The following WDFY1 variants were observed in gnomAD, a reference collection of about 807,000 sequenced individuals.
The protein encoded by WDFY1 is WD repeat and FYVE domain-containing protein 1.
Under a neutral mutation model 56.4 loss-of-function variants are expected in WDFY1, and 32 were observed. The observed-to-expected ratio is 0.57, with a 90% CI of 0.43 to 0.76. The LOEUF is 0.76. Among genes scored for constraint, WDFY1 ranks in the 30% least tolerant of loss-of-function variants. WDFY1 has a pLI of 0.00. For synonymous variants in WDFY1, 192 were observed against 197.3 expected, an observed-to-expected ratio of 0.97 and a Z score of 0.23; for missense variants, 480 against 545.7, an observed-to-expected ratio of 0.88 and a Z score of 1.20.
At position 223,896,172 on chromosome 2, in the gene WDFY1, A is replaced by AAAAAAAC. The variant is rs1559165583; in HGVS notation, c.599-543_599-542insGTTTTTT. 4.7e-5 allele frequency among the ~76,000 whole-genome samples: 7 copies of AAAAAAAC among 148,204 alleles called. 1 individual carries two copies. Among genetic ancestry groups the AAAAAAAC allele is most frequent in the African/African-American group, 1.8e-4 (7 of 39,858 alleles). ...CTCTGTCTCAAAAAAAAAAAAAAAA[A>AAAAAAAC]AAAAAAAAAAACTGCTTGTAATACA... On this transcript the variant is annotated intron_variant, in intron 6 of 11. Transcript: ENST00000233055.
At chr2:223,916,210 T>C (rs1201524859) in intron 2 of WDFY1, among the ~76,000 whole-genome samples, 1 of 152,182 alleles carries the variant, frequency 6.6e-6, no homozygotes, top group African/African-American at 2.4e-5. Context: ...TAAAAAATCC[T>C]AATAAACTAC....
intron 7 of WDFY1, among the ~76,000 whole-genome samples, chr2:223,894,809 T>C (rs1487904588): frequency 6.6e-6 from 1 of 152,194 alleles, no homozygotes; most frequent in Non-Finnish European, 1.5e-5. Flanking sequence ...CCCTCCTGCA[T>C]GCCTGTCATA....
chr2:223,879,767 C>T (rs1236985495), intron 11 of WDFY1, among the ~76,000 whole-genome samples: 1 of 152,030 alleles, frequency 6.6e-6, no homozygotes, highest in African/African-American at 2.4e-5. Flanking sequence ...ATACTGAGGA[C>T]GCATTCTGCC....
chr2:223,886,967 C>A (rs544617945), intron 8 of WDFY1, among the ~76,000 whole-genome samples: 4 of 152,022 alleles, frequency 2.6e-5, no homozygotes, highest in Admixed American at 1.3e-4. Flanking sequence ...ATTAGAAAGG[C>A]CTTTTTTTGA....
At chr2:223,886,692 G>A (rs907464049) in intron 8 of WDFY1, among the ~76,000 whole-genome samples, 5 of 122,324 alleles carry the variant, frequency 4.1e-5, no homozygotes, top group Admixed American at 2.2e-4. Context: ...ATTGCACCAC[G>A]GCACTCCAGC....
At chr2:223,898,886 C>T (rs1693447719) in intron 6 of WDFY1, 72 bp downstream of exon 6, 1 of 1,125,602 alleles carries the variant, frequency 8.9e-7, no homozygotes, top group African/African-American at 1.5e-5. Flanking sequence ...ATTCATGAAT[C>T]CACATAGTAG....
chr2:223,894,966 A>G (rs978900467), intron 7 of WDFY1, among the ~76,000 whole-genome samples: 2 of 152,220 alleles, frequency 1.3e-5, no homozygotes, highest in Non-Finnish European at 2.9e-5. Flanking sequence ...CAAGGTGAAG[A>G]TGTATTTCTT....
At chr2:223,918,051 A>G (rs1693819747) in intron 1 of WDFY1, 41 bp from the exon 2 acceptor site, 15 of 1,596,766 alleles carry the variant, frequency 9.4e-6, no homozygotes, top group Non-Finnish European at 1.3e-5. Flanking sequence ...AGGTTTTAGT[A>G]ATTTTATCTT....
chr2:223,918,730 TTG>T (rs569316069), intron 1 of WDFY1, among the ~76,000 whole-genome samples: 129 of 152,010 alleles, frequency 8.5e-4, no homozygotes, highest in African/African-American at 2.9e-3. Flanking sequence ...TTATGTGCAC[TTG>T]GTGGTTGACC....
chr2:223,884,257 A>G (rs1214697456), intron 9 of WDFY1, among the ~76,000 whole-genome samples: 1 of 152,242 alleles, frequency 6.6e-6, no homozygotes, highest in Admixed American at 6.5e-5. Flanking sequence ...TGAGGACTAA[A>G]TTATTACTTT....
Position 223,912,314 on chromosome 2 carries a change from G to C in WDFY1, c.218C>G (p.Ala73Gly). Residue 73 changes from alanine (A) to glycine (G), a missense_variant, in exon 3 of 12, where the codon GCT becomes GGT. Transcript: ENST00000233055. Reference protein sequence around the residue: ...IYHTMASPCSAMAYHHDSRRI... With the variant: ...IYHTMASPCSGMAYHHDSRRI... ...TCTGCTGTCATGATGGTAAGCCATA[G>C]CAGAGCAAGGAGCTGCCAGAAAGAC... 1.2e-6 allele frequency: 2 copies of C among 1,607,234 alleles called. No individual in the cohort carries two copies. The highest frequency in any genetic ancestry group is 1.7e-6 in the Non-Finnish European group (2 of 1,178,138).
chr2:223,905,936 A>T lies in WDFY1; in HGVS notation c.334+11T>A. 6.5e-7 allele frequency: 1 copy of T among 1,548,438 alleles called. No individual in the cohort carries two copies. Among genetic ancestry groups the T allele is most frequent in the South Asian group, 1.2e-5 (1 of 82,262 alleles). ...TGTATGTGTACGCAAGATAATGTGT[A>T]TTATAATTACCTGGGTAGGTCTTGA... On this transcript the variant is annotated intron_variant, in intron 4 of 11. Coordinates refer to ENST00000233055, the MANE Select transcript of WDFY1 (RefSeq NM_020830.5).
At chr2:223,890,792 G>A (rs1693256686) in intron 8 of WDFY1, among the ~76,000 whole-genome samples, 1 of 152,152 alleles carries the variant, frequency 6.6e-6, no homozygotes, top group African/African-American at 2.4e-5. Context: ...TATACATTCT[G>A]TAACCTACTA....
chr2:223,897,228 T>C (rs1375125241), intron 6 of WDFY1, among the ~76,000 whole-genome samples: 1 of 151,716 alleles, frequency 6.6e-6, no homozygotes, highest in African/African-American at 2.4e-5. Context: ...ATAAACCAGA[T>C]GGCCTCAAAG....
intron 5 of WDFY1, among the ~76,000 whole-genome samples, chr2:223,899,891 A>G (rs1693474046): frequency 6.6e-6 from 1 of 152,238 alleles, no homozygotes; most frequent in African/African-American, 2.4e-5. Flanking sequence ...ACATGAATCC[A>G]TGTTTCTTTT....
At chr2:223,901,076 T>G in intron 5 of WDFY1, 107 bp downstream of exon 5, 1 of 1,356,474 alleles carries the variant, frequency 7.4e-7, no homozygotes, top group Non-Finnish European at 9.8e-7. Context: ...CAAACTTAAA[T>G]AGGTTTCATT....
chr2:223,894,029 T>C (rs1336197714), intron 8 of WDFY1, among the ~76,000 whole-genome samples: 1 of 152,240 alleles, frequency 6.6e-6, no homozygotes, highest in Admixed American at 6.5e-5. Flanking sequence ...ATACTGCATG[T>C]CATTGGTAGA....
chr2:223,918,016 G>A lies in WDFY1; in HGVS notation c.138-6C>T, dbSNP rs1478878180. On this transcript the variant is annotated splice_region_variant and splice_polypyrimidine_tract_variant and intron_variant, in intron 1 of 11. Transcript: ENST00000233055. Reference sequence around the variant, plus strand: ...TCAGCCATACCCGGATGGTTCTGTGGAGAAAAGAAAAGAAAAAATAGAGTA... The same window carrying A: ...TCAGCCATACCCGGATGGTTCTGTGAAGAAAAGAAAAGAAAAAATAGAGTA... 3.1e-6 allele frequency: 5 copies of A among 1,613,046 alleles called. No homozygotes were observed. The South Asian group carries it at 4.4e-5, about 14-fold the overall frequency.
chr2:223,944,175 T>A (rs1689361838), intron 1 of WDFY1, among the ~76,000 whole-genome samples: 1 of 152,130 alleles, frequency 6.6e-6, no homozygotes, highest in Non-Finnish European at 1.5e-5. Flanking sequence ...TGGCGTGGCG[T>A]GAAATCCCTG....
Sources: allele counts gnomAD v4.1 joint callset (sites outside exome capture counted in the v4.1 genomes callset), GRCh38; gene constraint gnomAD v4.1.1; transcripts MANE v1.5; gene names NCBI Gene and HGNC (gene_info 2026-07-23, HGNC 2026-07-21).